The following ABCF1 variants were observed in gnomAD, a reference collection of about 807,000 sequenced individuals.
The protein encoded by ABCF1 is ATP binding cassette subfamily F member 1.
Under a neutral mutation model 126.3 loss-of-function variants are expected in ABCF1, and 73 were observed. That is an observed-to-expected ratio of 0.58 (90% confidence interval 0.48 to 0.70). The LOEUF is 0.70. Ranked by LOEUF, ABCF1 falls within the 30% of genes least tolerant of loss-of-function variation. The probability of loss-of-function intolerance (pLI) is 0.00; values close to 1 mark genes in which losing one functional copy is unlikely to be tolerated. For synonymous variants in ABCF1, 345 were observed against 396.4 expected (o/e 0.87, Z 1.54); for missense variants, 786 against 1,057.5 (o/e 0.74, Z 3.56).
rs192021424 is a variant in ABCF1, at chr6:30,586,406, G to T, written c.1886-68G>T. The T allele has an allele frequency of 2.5e-5, 41 of 1,608,814 alleles. No homozygotes were observed. In the Middle Eastern group the frequency reaches 5.0e-4, roughly 19 times the overall value. On this transcript the variant is annotated intron_variant, in intron 18 of 24. Coordinates refer to ENST00000326195, the MANE Select transcript of ABCF1 (RefSeq NM_001025091.2). The surrounding 1 kb of genome is among the most constrained non-coding windows in gnomAD (Gnocchi z 4.9). ...GCTGAGATTGCTCCTGTTCTCCAAG[G>T]CCAGCACATGAGAGGGACTTTGCAG...
At chr6:30,577,164 G>A (rs732229) in intron 1 of ABCF1, among the ~76,000 whole-genome samples, 112,026 of 152,164 alleles carry the variant, frequency 0.74, 41,679 homozygotes, top group South Asian at 0.87. Context: ...TCATTGCTAT[G>A]ATCCCCTACG....
At chr6:30,575,914 T>A (rs1016364311) in intron 1 of ABCF1, among the ~76,000 whole-genome samples, 20 of 151,890 alleles carry the variant, frequency 1.3e-4, no homozygotes, top group African/African-American at 4.8e-5. Flanking sequence ...TAAAAATTAT[T>A]ATTTTTTTAA....
chr6:30,576,749 A>G (rs370538838), intron 1 of ABCF1, among the ~76,000 whole-genome samples: 2 of 152,118 alleles, frequency 1.3e-5, no homozygotes, highest in East Asian at 3.8e-4. Context: ...GTGAAACTTT[A>G]AAGTGTGAAA....
Position 30,577,455 on chromosome 6 carries a change from G to A in ABCF1, c.120G>A (p.Thr40=), listed in dbSNP as rs146812316. 4.3e-6 allele frequency: 7 copies of A among 1,613,524 alleles called. No homozygotes were observed. The African/African-American group carries it at 5.3e-5, about 12-fold the overall frequency. Residue 40 remains threonine, a splice_region_variant and synonymous_variant, in exon 2 of 25, where the codon ACG becomes ACA. Transcript: ENST00000326195. ...AGAAGGACAAGAAGATCAAAAAAACGGTGAGAAAATGAGGGTTGAGGATAA... is the reference window on the plus strand; with the variant it reads ...AGAAGGACAAGAAGATCAAAAAAACAGTGAGAAAATGAGGGTTGAGGATAA... ...KGKKDKKIKK[T]FFEELAVEDK...
Position 30,589,938 on chromosome 6 carries a change from A to G in ABCF1, c.2197A>G (p.Ser733Gly), listed in dbSNP as rs1365230364. Residue 733 changes from serine to glycine, a missense_variant, in exon 22 of 25, where the codon AGT (serine) becomes GGT (glycine). Around this residue, in one of 4 missense-constraint regions of ABCF1, gnomAD observed 288 missense variants for 423.5 expected, o/e 0.68. Transcript: ENST00000326195. ...RKCLGRFGLESHAHTIQICKL... is the reference protein window; with the variant it reads ...RKCLGRFGLEGHAHTIQICKL... ...GTGCCTGGGCCGCTTCGGCCTGGAG[A>G]GTCACGCCCACACCATCCAGATCTG... is the stretch of plus-strand genomic sequence containing the variant. 6.2e-7 allele frequency: 1 copy of G among 1,613,716 alleles called. No homozygotes were observed. Among genetic ancestry groups the G allele is most frequent in the Non-Finnish European group, 8.5e-7 (1 of 1,180,024 alleles).
At chr6:30,582,549 A>C (rs773972111) in intron 9 of ABCF1, 42 bp downstream of exon 9, 1 of 1,601,254 alleles carries the variant, frequency 6.2e-7, no homozygotes, top group Non-Finnish European at 8.5e-7. Flanking sequence ...GGGGATTTTT[A>C]AATACTTCAA....
At chr6:30,585,011 A>G (rs1048773629) in intron 14 of ABCF1, among the ~76,000 whole-genome samples, 1 of 152,196 alleles carries the variant, frequency 6.6e-6, no homozygotes, top group Non-Finnish European at 1.5e-5. Flanking sequence ...AGGCTGAAGT[A>G]GAAGTATCAC....
rs1020409387 is a variant in ABCF1, at chr6:30,571,687, C to T, written c.73+127C>T. On this transcript the variant is annotated intron_variant, in intron 1 of 24. Coordinates refer to ENST00000326195, the MANE Select transcript of ABCF1 (RefSeq NM_001025091.2). ...TGCGGGAGTTACTGCGCATGCGTGCCGTGGGCCCGGGAGGAGTTTGCCGGG... is the reference window on the plus strand; with the variant it reads ...TGCGGGAGTTACTGCGCATGCGTGCTGTGGGCCCGGGAGGAGTTTGCCGGG... 17 of 1,058,998 alleles carry T rather than the reference C, an allele frequency of 1.6e-5. No individual in the cohort carries two copies. The South Asian group carries it at 2.5e-4, about 16-fold the overall frequency. 65.6% of individuals were successfully genotyped at this position (1,058,998 alleles called of 1,614,324 possible).
In ABCF1 at chr6:30,583,821, C is replaced by G. The variant is rs1244582519; in HGVS notation, c.1033C>G (p.Leu345Val). The G allele has an allele frequency of 6.2e-7, 1 of 1,614,190 alleles. No homozygotes were observed. Among genetic ancestry groups the G allele is most frequent in the Non-Finnish European group, 8.5e-7 (1 of 1,180,030 alleles). Residue 345 changes from leucine (L) to valine (V), a missense_variant, in exon 12 of 25, where the codon CTC becomes GTC. Leu to Val is a conservative substitution (Grantham distance 32). Around this residue, in one of 4 missense-constraint regions of ABCF1, gnomAD observed 163 missense variants for 255.3 expected, o/e 0.64. Coordinates refer to ENST00000326195, the MANE Select transcript of ABCF1 (RefSeq NM_001025091.2). This position sits in a 1 kb window ranked among gnomAD's most constrained non-coding sequence, Gnocchi z 4.1. The stretch of plus-strand genomic sequence containing the variant: ...ATTCCCCAGCAAGGGCAAGACCACA[C>G]TCCTCAAGCACATTGCCAACCGAGC... Reference protein sequence around the residue: ...VGPNGKGKTTLLKHIANRALS... With the variant: ...VGPNGKGKTTVLKHIANRALS...
Position 30,586,249 on chromosome 6 carries a change from T to C in ABCF1, c.1829T>C (p.Val610Ala). 4 of 1,613,224 alleles carry C rather than the reference T, an allele frequency of 2.5e-6. No individual in the cohort carries two copies. The highest frequency in any genetic ancestry group is 3.4e-6 in the Non-Finnish European group (4 of 1,179,592). Residue 610 changes from valine (V) to alanine (A), a missense_variant, in exon 18 of 25, where the codon GTG becomes GCG. Around this residue, in one of 4 missense-constraint regions of ABCF1, gnomAD observed 288 missense variants for 423.5 expected, o/e 0.68. Transcript: ENST00000326195. The surrounding 1 kb of genome is among the most constrained non-coding windows in gnomAD (Gnocchi z 4.9). ...CTGAAGCGCCCTAAGGAGTACACTG[T>C]GCGCTTCACTTTTCCAGACCCCCCA... ...ELLKRPKEYT[V>A]RFTFPDPPPL...
At position 30,582,401 on chromosome 6, in the gene ABCF1, AGGAAGAAGGAGAAGG is replaced by A; in HGVS notation, c.695_709del (p.Gly232_Glu236del). 1 of 1,599,928 alleles carries A rather than the reference AGGAAGAAGGAGAAGG, an allele frequency of 6.3e-7. No individual in the cohort carries two copies. The highest frequency in any genetic ancestry group is 2.2e-5 in the East Asian group (1 of 44,696). ...ATCCCCGGGTTCTCACAGGGTTCAG[AGGAAGAAGGAGAAGG>A]GGAAGAAGAGGAGGAGGAAGGAGGA... is the stretch of plus-strand genomic sequence containing the variant. On this transcript the variant is annotated inframe_deletion, in exon 9 of 25. Coordinates refer to ENST00000326195, the MANE Select transcript of ABCF1 (RefSeq NM_001025091.2).
Position 30,586,314 on chromosome 6 carries a change from C to A in ABCF1, c.1885+9C>A, listed in dbSNP as rs757631628. 1.2e-6 allele frequency: 2 copies of A among 1,602,718 alleles called. No homozygotes were observed. The highest frequency in any genetic ancestry group is 2.2e-5 in the South Asian group (2 of 90,102). The stretch of plus-strand genomic sequence containing the variant: ...AGTGCTGGGTCTGCATGGTGAGTGC[C>A]GCGGGCCTCTGCTGCTCCACAGGAA... On this transcript the variant is annotated intron_variant, in intron 18 of 24. Coordinates refer to ENST00000326195, the MANE Select transcript of ABCF1 (RefSeq NM_001025091.2). The surrounding 1 kb of genome is among the most constrained non-coding windows in gnomAD (Gnocchi z 4.9).
At position 30,575,621 on chromosome 6, in the gene ABCF1, C is replaced by T. The variant is rs562541691; in HGVS notation, c.74-1788C>T. Among the ~76,000 whole-genome samples the T allele has an allele frequency of 3.9e-5, 6 of 151,996 alleles. No individual in the cohort carries two copies. The East Asian group carries it at 1.2e-3, about 29-fold the overall frequency. On this transcript the variant is annotated intron_variant, in intron 1 of 24. Coordinates refer to ENST00000326195, the MANE Select transcript of ABCF1 (RefSeq NM_001025091.2). ...TGGGAACACAGGCTAAACAGTCTCT[C>T]AGGTTACTCTCTAGAATGAAAGCAC...
In ABCF1 at chr6:30,571,481, C is replaced by T. The variant is rs779355025; in HGVS notation, c.-7C>T. ...GCGCCGCCACAGTAGCTGTAACTGCCACCGCGATGCCGAAGGCGCCCAAGC... is the reference window on the plus strand; with the variant it reads ...GCGCCGCCACAGTAGCTGTAACTGCTACCGCGATGCCGAAGGCGCCCAAGC... On this transcript the variant is annotated 5_prime_UTR_variant, in exon 1 of 25. Coordinates refer to ENST00000326195, the MANE Select transcript of ABCF1 (RefSeq NM_001025091.2). 1.7e-5 allele frequency: 27 copies of T among 1,609,188 alleles called. No homozygotes were observed. In the Admixed American group the frequency reaches 2.2e-4, roughly 13 times the overall value.
chr6:30,583,880 G>A lies in ABCF1; in HGVS notation c.1092G>A (p.Leu364=), dbSNP rs1453933004. Residue 364 remains leucine (L), a synonymous_variant, in exon 12 of 25, where the codon CTG becomes CTA. Coordinates refer to ENST00000326195, the MANE Select transcript of ABCF1 (RefSeq NM_001025091.2). The surrounding 1 kb of genome is among the most constrained non-coding windows in gnomAD (Gnocchi z 4.1). The part of the protein sequence containing the change: ...LSIPPNIDVL[L]CEQEVVADET... ...TCCCTCCCAACATTGATGTGTTGCTGTGTGAGCAGGGTGAGACCACTGGGG... is the reference window on the plus strand; with the variant it reads ...TCCCTCCCAACATTGATGTGTTGCTATGTGAGCAGGGTGAGACCACTGGGG... 1.2e-6 allele frequency: 2 copies of A among 1,613,940 alleles called. No homozygotes were observed. The highest frequency in any genetic ancestry group is 2.2e-5 in the East Asian group (1 of 44,894).
Position 30,583,633 on chromosome 6 carries a change from A to T in ABCF1, c.941A>T (p.His314Leu). The T allele has an allele frequency of 6.2e-7, 1 of 1,613,994 alleles. No individual in the cohort carries two copies. Among genetic ancestry groups the T allele is most frequent in the Non-Finnish European group, 8.5e-7 (1 of 1,179,908 alleles). ...IKLEKFSISA[H>L]GKELFVNADL... is the part of the protein sequence containing the mutation. ...CTGGAGAAGTTCAGCATCTCCGCTC[A>T]TGGCAAGGAGCTGTTCGTCAATGCA... is the stretch of plus-strand genomic sequence containing the variant. Residue 314 changes from histidine (H) to leucine (L), a missense_variant, in exon 11 of 25, where the codon CAT becomes CTT. Physicochemically the swap from His to Leu is moderately conservative, Grantham distance 99. Transcript: ENST00000326195. This position sits in a 1 kb window ranked among gnomAD's most constrained non-coding sequence, Gnocchi z 4.1.
rs1437127150 is a variant in ABCF1, at chr6:30,590,685, G to T, written c.2522G>T (p.Ser841Ile). The T allele has an allele frequency of 5.8e-6, 9 of 1,560,638 alleles. No homozygotes were observed. The South Asian group carries it at 6.8e-5, about 12-fold the overall frequency. The change falls in exon 25 of 25, where the codon AGC (serine) becomes ATC (isoleucine). Residue 841 changes from serine (S) to isoleucine (I), a missense_variant. Around this residue, in one of 4 missense-constraint regions of ABCF1, gnomAD observed 288 missense variants for 423.5 expected, o/e 0.68. Transcript: ENST00000326195. ...GAGGCCCTGGGTGAAGTCATGGTCAGCCGGCCCCGAGAGTGAGCTTTCCTT... is the reference window on the plus strand; with the variant it reads ...GAGGCCCTGGGTGAAGTCATGGTCATCCGGCCCCGAGAGTGAGCTTTCCTT... ...VLEALGEVMVSRPRE is the reference protein window; with the variant it reads ...VLEALGEVMVIRPRE
intron 20 of ABCF1, among the ~76,000 whole-genome samples, chr6:30,587,772 C>T (rs1273312539): frequency 2.0e-5 from 3 of 151,540 alleles, no homozygotes; most frequent in African/African-American, 7.3e-5. Flanking sequence ...TTGCTTGAGT[C>T]CAGGGGGCAG....
intron 22 of ABCF1, 42 bp downstream of exon 22, chr6:30,590,016 A>G: frequency 1.2e-6 from 2 of 1,608,026 alleles, no homozygotes; most frequent in Non-Finnish European, 1.7e-6. Flanking sequence ...TCACCTTATC[A>G]TTCATGTCTA....
Sources: gnomAD v4.1 joint callset for allele counts (sites outside exome capture counted in the v4.1 genomes callset) on GRCh38, gnomAD v4.1.1 for gene constraint, gnomAD v4.1.1 regional missense constraint, Gnocchi (gnomAD v3.1) non-coding constraint, MANE v1.5 for transcripts, NCBI Gene and HGNC (gene_info 2026-07-23, HGNC 2026-07-21) for gene names.